MYOF: variants seen among roughly 807,000 people sequenced by gnomAD.
The protein encoded by MYOF is fer-1-like 3, myoferlin.
A neutral mutation model predicts 284.2 loss-of-function variants in MYOF; 244 were observed. That is an observed-to-expected ratio of 0.86 (90% confidence interval 0.77 to 0.95). The LOEUF (loss-of-function observed/expected upper bound fraction) is 0.95, where lower values mean the gene tolerates loss of function less well. MYOF is among the 40% of genes least tolerant of loss of function. The pLI is 0.00. For synonymous variants in MYOF, 904 were observed against 919.7 expected, an observed-to-expected ratio of 0.98 and a Z score of 0.31; for missense variants, 2,496 against 2,560.6, an observed-to-expected ratio of 0.97 and a Z score of 0.54.
chr10:93,379,121 C>A (rs1266899622), intron 21 of MYOF, among the ~76,000 whole-genome samples: 2 of 152,038 alleles, frequency 1.3e-5, no homozygotes, highest in African/African-American at 2.4e-5. Context: ...TCACAGATAT[C>A]ATATGTATGC....
rs755236537 is a variant in MYOF at position 93,333,315 on chromosome 10, G to A, written c.4720-3C>T. 6 of 1,612,602 alleles carry A rather than the reference G, an allele frequency of 3.7e-6. No individual in the cohort carries two copies. Among genetic ancestry groups the A allele is most frequent in the Non-Finnish European group, 5.1e-6 (6 of 1,178,582 alleles). On this transcript the variant is annotated splice_polypyrimidine_tract_variant and splice_region_variant and intron_variant, in intron 42 of 53. Coordinates refer to ENST00000359263, the MANE Select transcript of MYOF (RefSeq NM_013451.4). ...GTTATTTTTATGTAAGGGTCACACT[G>A]TGGGACAAAATAGACGGGATGTTAC...
At chr10:93,314,215 A>G (rs952160150) in intron 50 of MYOF, among the ~76,000 whole-genome samples, 1 of 152,080 alleles carries the variant, frequency 6.6e-6, no homozygotes, top group African/African-American at 2.4e-5. Context: ...CAGCCTCCCT[A>G]GTAGCTGGGA....
chr10:93,467,394 C>G (rs2057034699), intron 1 of MYOF, among the ~76,000 whole-genome samples: 1 of 79,968 alleles, frequency 1.3e-5, no homozygotes, highest in South Asian at 6.9e-4. Context: ...TCAGTTCCCA[C>G]CTATGAGTGA....
At chr10:93,427,340 G>A (rs1364710591) in intron 4 of MYOF, among the ~76,000 whole-genome samples, 6 of 151,732 alleles carry the variant, frequency 4.0e-5, no homozygotes, top group African/African-American at 1.4e-4. Flanking sequence ...AGACCAGCTT[G>A]GCCAACACAG....
In MYOF at chr10:93,336,061, CAG is replaced by C. The variant is rs1564628263; in HGVS notation, c.4438-17_4438-16del. 16 of 1,611,662 alleles carry C rather than the reference CAG, an allele frequency of 9.9e-6. No homozygotes were observed. The highest frequency in any genetic ancestry group is 1.6e-4 in the Middle Eastern group (1 of 6,068). ...CAATTATATATCTGAAAACCACCAA[CAG>C]AGTCTTAATTTCTCATTAAAATGCA... On this transcript the variant is annotated splice_polypyrimidine_tract_variant and intron_variant, in intron 40 of 53. Coordinates refer to ENST00000359263, the MANE Select transcript of MYOF (RefSeq NM_013451.4).
chr10:93,350,807 G>A (rs1844472471), intron 35 of MYOF, among the ~76,000 whole-genome samples: 1 of 152,140 alleles, frequency 6.6e-6, no homozygotes, highest in South Asian at 2.1e-4. Flanking sequence ...TCATCAGCTT[G>A]TATCTGACAT....
chr10:93,320,359 AT>A (rs144126557), intron 48 of MYOF, among the ~76,000 whole-genome samples: 6,857 of 152,300 alleles, frequency 0.045, 535 homozygotes, highest in African/African-American at 0.16. Context: ...CCTCACAACT[AT>A]AACTCATCAG....
chr10:93,366,272 T>A (rs541223115), intron 26 of MYOF, 120 bp downstream of exon 26: 8 of 1,065,840 alleles, frequency 7.5e-6, no homozygotes, highest in Admixed American at 7.0e-5. Context: ...ATGGACTTAG[T>A]TCTGCTCAGT....
At chr10:93,406,318 T>TATATATATATATATATATATATATA (rs1847584374) in intron 7 of MYOF, among the ~76,000 whole-genome samples, 3 of 38,712 alleles carry the variant, frequency 7.7e-5, no homozygotes, top group Non-Finnish European at 2.3e-4. Context: ...ATATATATAT[T>TATATATATATATATATATATATATA]TGTTTTTATC....
At chr10:93,369,285 C>T (rs1172192742) in intron 25 of MYOF, among the ~76,000 whole-genome samples, 1 of 114,626 alleles carries the variant, frequency 8.7e-6, no homozygotes, top group East Asian at 5.3e-4. Context: ...GTATACTCTA[C>T]TTAGTGTCCC....
intron 39 of MYOF, 23 bp from the exon 40 acceptor site, chr10:93,337,936 A>G (rs762842210): frequency 6.4e-7 from 1 of 1,560,846 alleles, no homozygotes; most frequent in South Asian, 1.1e-5. Flanking sequence ...CAAAATGGAA[A>G]AATCTTTAGT....
chr10:93,333,157 A>AAT, intron 43 of MYOF, 64 bp downstream of exon 43: 1 of 1,323,146 alleles, frequency 7.6e-7, no homozygotes, highest in Non-Finnish European at 1.1e-6. Flanking sequence ...GACACATATT[A>AAT]GAGTCTTCAT....
intron 5 of MYOF, among the ~76,000 whole-genome samples, chr10:93,418,550 C>T (rs979553903): frequency 6.6e-6 from 1 of 152,094 alleles, no homozygotes; most frequent in Non-Finnish European, 1.5e-5. Flanking sequence ...TCCTGCGGGG[C>T]AATTGAGGAA....
In MYOF at chr10:93,310,646, T is replaced by G; in HGVS notation, c.5890-3A>C. ...TCCAATGTCATCTCCACTTTCCCCT[T>G]CAGTAAAGCAGAGCAGGTTAAACAT... is the stretch of plus-strand genomic sequence containing the variant. On this transcript the variant is annotated splice_polypyrimidine_tract_variant and splice_region_variant and intron_variant, in intron 51 of 53. Coordinates refer to ENST00000359263, the MANE Select transcript of MYOF (RefSeq NM_013451.4). 1.2e-6 allele frequency: 2 copies of G among 1,613,972 alleles called. No homozygotes were observed. Among genetic ancestry groups the G allele is most frequent in the African/African-American group, 2.7e-5 (2 of 75,032 alleles).
chr10:93,446,053 A>G (rs928633220), intron 3 of MYOF, among the ~76,000 whole-genome samples: 6 of 152,190 alleles, frequency 3.9e-5, no homozygotes, highest in Admixed American at 3.3e-4. Context: ...TAATCTGACC[A>G]AGGTGTGTGT....
chr10:93,357,227 A>G (rs1328972849), intron 29 of MYOF, among the ~76,000 whole-genome samples: 4 of 152,248 alleles, frequency 2.6e-5, no homozygotes, highest in African/African-American at 9.6e-5. Flanking sequence ...AAACATTAGT[A>G]TCTCCATTTT....
At chr10:93,444,790 A>G (rs1352006510) in intron 3 of MYOF, among the ~76,000 whole-genome samples, 1 of 152,230 alleles carries the variant, frequency 6.6e-6, no homozygotes. Flanking sequence ...AAACTTGTCA[A>G]TATCTTTTAT....
chr10:93,388,907 C>A, intron 18 of MYOF, 123 bp downstream of exon 18: 1 of 1,299,094 alleles, frequency 7.7e-7, no homozygotes, highest in Non-Finnish European at 1.0e-6. Flanking sequence ...CTTTTCCTAT[C>A]TTTGCATTCT....
intron 5 of MYOF, 59 bp downstream of exon 5, chr10:93,426,012 T>C (rs74150231): frequency 0.022 from 31,684 of 1,454,606 alleles, 1,456 homozygotes; most frequent in African/African-American, 0.17. Context: ...GACACTCTCC[T>C]GTGTGTCTTT....
Sources: allele counts gnomAD v4.1 joint callset (sites outside exome capture counted in the v4.1 genomes callset), GRCh38; gene constraint gnomAD v4.1.1; transcripts MANE v1.5; gene names NCBI Gene and HGNC (gene_info 2026-07-23, HGNC 2026-07-21).